The following NAALADL2 variants were observed in gnomAD, a reference collection of about 807,000 sequenced individuals.
NAALADL2 encodes N-acetylated alpha-linked acidic dipeptidase like 2.
A neutral mutation model predicts 87.2 loss-of-function variants in NAALADL2; 76 were observed. The observed-to-expected ratio is 0.87, with a 90% CI of 0.72 to 1.05. The LOEUF is 1.05. Ranked by LOEUF, NAALADL2 falls within the 50% of genes least tolerant of loss-of-function variation. NAALADL2 has a pLI of 0.00. For missense variants in NAALADL2, 1,089 were observed against 945.8 expected (o/e 1.15, Z -1.99); for synonymous variants, 354 against 331.0 (o/e 1.07, Z -0.75).
At position 175,572,709 on chromosome 3, in the gene NAALADL2, T is replaced by C. The variant is rs184434994; in HGVS notation, c.1654-3332T>C. ...AGAGAGACTAGAAGAGAACTCACAGTGGCTTCAGAAATAACAGGCTGAGGC... is the reference window on the plus strand; with the variant it reads ...AGAGAGACTAGAAGAGAACTCACAGCGGCTTCAGAAATAACAGGCTGAGGC... On this transcript the variant is annotated intron_variant, in intron 9 of 13. Transcript: ENST00000454872. 2.6e-5 allele frequency among the ~76,000 whole-genome samples: 4 copies of C among 152,302 alleles called. No individual in the cohort carries two copies. The East Asian group carries it at 7.7e-4, about 29-fold the overall frequency.
At chr3:175,107,434 A>G (rs1472261785) in intron 2 of NAALADL2, among the ~76,000 whole-genome samples, 1 of 151,844 alleles carries the variant, frequency 6.6e-6, no homozygotes, top group African/African-American at 2.4e-5. Flanking sequence ...GACTTGCCAA[A>G]CATTCACAAT....
At chr3:175,790,905 A>G (rs1345073138) in intron 13 of NAALADL2, among the ~76,000 whole-genome samples, 2 of 152,254 alleles carry the variant, frequency 1.3e-5, no homozygotes, top group Admixed American at 1.3e-4. Flanking sequence ...AGAAGAAACT[A>G]GTTTGGGAAC....
intron 1 of NAALADL2, among the ~76,000 whole-genome samples, chr3:174,908,419 G>A (rs981382995): frequency 6.6e-6 from 1 of 152,050 alleles, no homozygotes; most frequent in Non-Finnish European, 1.5e-5. Flanking sequence ...TGTCAGTGCT[G>A]TATAAAAAGG....
intron 1 of NAALADL2, among the ~76,000 whole-genome samples, chr3:175,027,699 G>A (rs889539331): frequency 6.6e-6 from 1 of 151,866 alleles, no homozygotes; most frequent in African/African-American, 2.4e-5. Flanking sequence ...TATTTTCTAG[G>A]TCAAAAAATA....
intron 2 of NAALADL2, among the ~76,000 whole-genome samples, chr3:174,667,592 T>C (rs1578480613): frequency 7.3e-6 from 1 of 136,482 alleles, no homozygotes. Context: ...TAATGTTGTC[T>C]CTCAAGGCAG....
chr3:174,490,979 A>G (rs1260790713), intron 1 of NAALADL2, among the ~76,000 whole-genome samples: 1 of 152,158 alleles, frequency 6.6e-6, no homozygotes, highest in African/African-American at 2.4e-5. Context: ...TTATATGTGT[A>G]TAAAATACTT....
intron 1 of NAALADL2, among the ~76,000 whole-genome samples, chr3:174,958,862 T>A (rs1741550236): frequency 6.6e-6 from 1 of 152,106 alleles, no homozygotes; most frequent in African/African-American, 2.4e-5. Flanking sequence ...TGCTTGTAGA[T>A]AATATGATTG....
chr3:174,587,469 A>G (rs1716854942), intron 2 of NAALADL2, among the ~76,000 whole-genome samples: 1 of 152,116 alleles, frequency 6.6e-6, no homozygotes, highest in Non-Finnish European at 1.5e-5. Flanking sequence ...TCTTCCTAGC[A>G]TCAATGGTCT....
At chr3:175,312,319 C>G (rs563128529) in intron 4 of NAALADL2, among the ~76,000 whole-genome samples, 1 of 152,120 alleles carries the variant, frequency 6.6e-6, no homozygotes, top group Non-Finnish European at 1.5e-5. Flanking sequence ...TATGAGATGT[C>G]AGGTTCATGT....
At chr3:175,315,920 C>A (rs1483329092) in intron 4 of NAALADL2, among the ~76,000 whole-genome samples, 1 of 151,826 alleles carries the variant, frequency 6.6e-6, no homozygotes, top group Non-Finnish European at 1.5e-5. Flanking sequence ...TATTCCTCAC[C>A]AATAGTTTAG....
At chr3:174,513,117 A>G (rs1482911713) in intron 1 of NAALADL2, among the ~76,000 whole-genome samples, 3 of 151,976 alleles carry the variant, frequency 2.0e-5, no homozygotes, top group Non-Finnish European at 2.9e-5. Flanking sequence ...GTGTGCCACC[A>G]CGCCTGGCTA....
chr3:175,038,839 G>A (rs1345172643), intron 1 of NAALADL2, among the ~76,000 whole-genome samples: 2 of 151,722 alleles, frequency 1.3e-5, no homozygotes, highest in Non-Finnish European at 2.9e-5. Context: ...TCGTGCAAAC[G>A]TAAACAGTTT....
intron 2 of NAALADL2, among the ~76,000 whole-genome samples, chr3:174,705,597 A>G (rs994101313): frequency 3.9e-5 from 6 of 152,074 alleles, no homozygotes; most frequent in African/African-American, 1.4e-4. Flanking sequence ...ATCCTGGCTA[A>G]CACGGTGAAA....
chr3:175,363,056 T>C (rs1439419563), intron 5 of NAALADL2, among the ~76,000 whole-genome samples: 4 of 147,666 alleles, frequency 2.7e-5, no homozygotes, highest in African/African-American at 9.8e-5. Context: ...TGTATTATCT[T>C]ATTGTATTAT....
intron 2 of NAALADL2, among the ~76,000 whole-genome samples, chr3:174,633,534 A>T (rs1722348446): frequency 6.6e-6 from 1 of 152,188 alleles, no homozygotes; most frequent in African/African-American, 2.4e-5. Flanking sequence ...TAAATAACAG[A>T]TAGCTAGAAC....
chr3:174,916,882 TAA>T (rs1352205946), intron 1 of NAALADL2, among the ~76,000 whole-genome samples: 2 of 152,014 alleles, frequency 1.3e-5, no homozygotes, highest in East Asian at 1.9e-4. Context: ...TTAAATTACT[TAA>T]AAAAGAGATT....
At chr3:175,005,172 A>G (rs912557980) in intron 1 of NAALADL2, among the ~76,000 whole-genome samples, 1 of 152,198 alleles carries the variant, frequency 6.6e-6, no homozygotes, top group African/African-American at 2.4e-5. Flanking sequence ...ATCATTTAAT[A>G]TTCAGAAAAA....
intron 1 of NAALADL2, among the ~76,000 whole-genome samples, chr3:174,938,140 T>C (rs567518045): frequency 6.6e-6 from 1 of 152,088 alleles, no homozygotes; most frequent in South Asian, 2.1e-4. Flanking sequence ...AAACTCAGTT[T>C]GCAATAGTTA....
At chr3:174,915,459 T>C (rs1293009399) in intron 1 of NAALADL2, among the ~76,000 whole-genome samples, 1 of 152,158 alleles carries the variant, frequency 6.6e-6, no homozygotes, top group African/African-American at 2.4e-5. Context: ...TAAGGACAAC[T>C]TCATAGAACT....
Sources: allele counts gnomAD v4.1 joint callset (sites outside exome capture counted in the v4.1 genomes callset), GRCh38; gene constraint gnomAD v4.1.1; transcripts MANE v1.5; gene names NCBI Gene and HGNC (gene_info 2026-07-23, HGNC 2026-07-21).